The following WNK3 variants were observed in gnomAD, a reference collection of about 807,000 sequenced individuals.
WNK3 encodes serine/threonine-protein kinase WNK3.
In WNK3, 18 loss-of-function variants were observed where a neutral mutation model predicts 116.7. The ratio of observed to expected loss-of-function variants is 0.15; its 90% CI spans 0.11 to 0.23. The LOEUF (loss-of-function observed/expected upper bound fraction) is 0.23, where lower values mean the gene tolerates loss of function less well. Ranked by LOEUF, WNK3 falls within the 10% of genes least tolerant of loss-of-function variation. The pLI is 1.00. For synonymous variants in WNK3, 404 were observed against 469.4 expected (o/e 0.86, Z 1.80); for missense variants, 993 against 1,323.8 (o/e 0.75, Z 3.88).
chrX:54,290,840 C>G (rs1171157748), intron 10 of WNK3, among the ~76,000 whole-genome samples: 1 of 111,117 alleles, frequency 9.0e-6, no homozygotes, highest in Non-Finnish European at 1.9e-5. Context: ...TTTGGGCTAC[C>G]ATGCTCATAA....
intron 22 of WNK3, among the ~76,000 whole-genome samples, chrX:54,213,565 CAAACAAAAA>C (rs2077419226): frequency 3.9e-5 from 1 of 25,365 alleles, no homozygotes; most frequent in Non-Finnish European, 8.6e-5. Context: ...AAAAAAAAAA[CAAACAAAAA>C]AAAAAAAACT....
intron 22 of WNK3, among the ~76,000 whole-genome samples, chrX:54,213,015 C>A (rs138931190): frequency 9.0e-6 from 1 of 110,606 alleles, no homozygotes; most frequent in Non-Finnish European, 1.9e-5. Context: ...CACTCCGTCA[C>A]CCAGGATGGA....
intron 1 of WNK3, among the ~76,000 whole-genome samples, chrX:54,337,859 G>A (rs929044754): frequency 9.0e-6 from 1 of 110,546 alleles, no homozygotes; most frequent in Non-Finnish European, 1.9e-5. Flanking sequence ...TTGAGCCCAG[G>A]AGTTTGAGAC....
intron 10 of WNK3, among the ~76,000 whole-genome samples, chrX:54,278,883 C>T (rs973549246): frequency 9.0e-6 from 1 of 111,223 alleles, no homozygotes; most frequent in African/African-American, 3.3e-5. Context: ...GCTTGGCCAA[C>T]ATGGTGAAAC....
At chrX:54,214,740 C>T (rs1194251301) in intron 22 of WNK3, among the ~76,000 whole-genome samples, 2 of 111,111 alleles carry the variant, frequency 1.8e-5, no homozygotes, top group African/African-American at 6.5e-5. Flanking sequence ...AGGCTGGGCG[C>T]GGTGGCTCAC....
intron 1 of WNK3, among the ~76,000 whole-genome samples, chrX:54,350,850 G>A (rs1218607592): frequency 1.8e-5 from 2 of 111,095 alleles, no homozygotes; most frequent in African/African-American, 6.5e-5. Flanking sequence ...AACATGGTAC[G>A]TCCATACTGT....
intron 22 of WNK3, among the ~76,000 whole-genome samples, chrX:54,203,003 T>A (rs868989796): frequency 9.0e-6 from 1 of 111,385 alleles, no homozygotes; most frequent in African/African-American, 3.3e-5. Context: ...ACAAAGACAC[T>A]CTATCTTTTC....
intron 7 of WNK3, among the ~76,000 whole-genome samples, chrX:54,297,450 G>A (rs782406550): frequency 1.0e-4 from 11 of 109,221 alleles, no homozygotes; most frequent in Admixed American, 5.9e-4. Context: ...GGTGGCAGGC[G>A]CCTGTAATCC....
chrX:54,245,573 T>C (rs1431486612), intron 17 of WNK3, among the ~76,000 whole-genome samples: 1 of 111,355 alleles, frequency 9.0e-6, no homozygotes, highest in Non-Finnish European at 1.9e-5. Flanking sequence ...TTATTCTGCA[T>C]ATATTTTTCC....
At chrX:54,302,359 G>A (rs903905217) in intron 5 of WNK3, among the ~76,000 whole-genome samples, 2 of 110,819 alleles carry the variant, frequency 1.8e-5, no homozygotes, top group Non-Finnish European at 3.8e-5. Flanking sequence ...GTGCAGTGGC[G>A]TGATTTTGGC....
chrX:54,255,488 G>A (rs2068182222), intron 12 of WNK3, among the ~76,000 whole-genome samples: 1 of 111,963 alleles, frequency 8.9e-6, no homozygotes, highest in Non-Finnish European at 1.9e-5. Context: ...AGGAAAAGGA[G>A]AGAAAAACAA....
At chrX:54,318,359 C>CA (rs1189388992) in intron 2 of WNK3, among the ~76,000 whole-genome samples, 1,076 of 67,976 alleles carry the variant, frequency 0.016, 11 homozygotes, top group African/African-American at 0.052. Context: ...GACTCTGTCT[C>CA]AAAAAAAAAA....
chrX:54,280,700 T>C (rs2068506478), intron 10 of WNK3, among the ~76,000 whole-genome samples: 1 of 111,522 alleles, frequency 9.0e-6, no homozygotes, highest in South Asian at 3.7e-4. Flanking sequence ...AATTATCACA[T>C]GTTCTCACAT....
chrX:54,269,635 A>C (rs1557158778), intron 10 of WNK3, among the ~76,000 whole-genome samples: 1 of 111,760 alleles, frequency 8.9e-6, no homozygotes, highest in African/African-American at 3.3e-5. Flanking sequence ...CAGCAGCTTT[A>C]TCCATAAGAG....
rs2068601055 is a variant in WNK3 at position 54,288,198 on chromosome X, A to G, written c.2037+4690T>C. ...AGTCAGACTGTTATCTAGTGCCTGA[A>G]GTACTTGAGGCTGCTCTAAAGGCTG... On this transcript the variant is annotated intron_variant, in intron 10 of 23. Transcript: ENST00000354646. 2.7e-5 allele frequency among the ~76,000 whole-genome samples: 3 copies of G among 111,393 alleles called. No homozygotes were observed. In the Admixed American group the frequency reaches 2.9e-4, roughly 11 times the overall value.
intron 2 of WNK3, among the ~76,000 whole-genome samples, chrX:54,317,078 T>C (rs2068966186): frequency 9.0e-6 from 1 of 110,894 alleles, no homozygotes; most frequent in Non-Finnish European, 1.9e-5. Flanking sequence ...AAACAAAATA[T>C]GGTACATACA....
chrX:54,332,349 G>A (rs1365158885), intron 2 of WNK3, among the ~76,000 whole-genome samples: 1 of 111,408 alleles, frequency 9.0e-6, no homozygotes, highest in Non-Finnish European at 1.9e-5. Flanking sequence ...ATCAGTAAAG[G>A]TCCTCAAAGA....
chrX:54,286,501 C>G (rs782765395), intron 10 of WNK3, among the ~76,000 whole-genome samples: 1 of 111,420 alleles, frequency 9.0e-6, no homozygotes, highest in South Asian at 3.8e-4. Context: ...CACCTTTTAT[C>G]TAAGGACCTC....
At chrX:54,216,856 A>G (rs1276299761) in intron 22 of WNK3, among the ~76,000 whole-genome samples, 2 of 112,059 alleles carry the variant, frequency 1.8e-5, no homozygotes, top group Non-Finnish European at 3.8e-5. Context: ...CAGGCTTAAA[A>G]ATTAAAAATA....
Sources: gnomAD v4.1 joint callset for allele counts (sites outside exome capture counted in the v4.1 genomes callset) on GRCh38, gnomAD v4.1.1 for gene constraint, MANE v1.5 for transcripts, NCBI Gene and HGNC (gene_info 2026-07-23, HGNC 2026-07-21) for gene names.